The following LRP12 variants were observed in gnomAD, a reference collection of about 807,000 sequenced individuals.
LRP12 encodes LDL receptor related protein 12, also known as low-density lipoprotein receptor-related protein 12.
In LRP12, 14 loss-of-function variants were observed where a neutral mutation model predicts 66.0. The ratio of observed to expected loss-of-function variants is 0.21; its 90% CI spans 0.14 to 0.33. LRP12 has a LOEUF of 0.33. Among genes scored for constraint, LRP12 ranks in the 10% least tolerant of loss-of-function variants. LRP12 has a pLI of 1.00. For synonymous variants in LRP12, 357 were observed against 359.1 expected, an observed-to-expected ratio of 0.99 and a Z score of 0.07; for missense variants, 889 against 1,053.4, an observed-to-expected ratio of 0.84 and a Z score of 2.16.
intron 2 of LRP12, among the ~76,000 whole-genome samples, chr8:104,528,621 A>G (rs1055364668): frequency 6.6e-6 from 1 of 152,054 alleles, no homozygotes. Context: ...TTAAAAATAC[A>G]AAAATTAGCT....
chr8:104,566,307 TC>T, intron 1 of LRP12: 1 of 270,532 alleles, frequency 3.7e-6, no homozygotes, highest in Non-Finnish European at 6.9e-6. Flanking sequence ...ATTAAGGTGA[TC>T]AAGTAGAAGA....
At chr8:104,565,096 A>G (rs1444302137) in intron 1 of LRP12, among the ~76,000 whole-genome samples, 2 of 152,230 alleles carry the variant, frequency 1.3e-5, no homozygotes, top group Middle Eastern at 6.3e-3. Context: ...TATTCACTTA[A>G]TAGTTCTAAA....
intron 1 of LRP12, among the ~76,000 whole-genome samples, chr8:104,587,088 T>G (rs572751902): frequency 2.0e-4 from 30 of 152,202 alleles, no homozygotes; most frequent in Admixed American, 5.2e-4. Context: ...TCACAGCCTC[T>G]TATCCCTCGA....
chr8:104,527,320 T>A (rs933513191), intron 2 of LRP12, among the ~76,000 whole-genome samples: 7 of 147,828 alleles, frequency 4.7e-5, no homozygotes, highest in Admixed American at 3.3e-4. Flanking sequence ...GACCCAGCCA[T>A]CCCATTACTG....
In LRP12 at chr8:104,547,023, T is replaced by C. The variant is rs149948312; in HGVS notation, c.80-15060A>G. Among the ~76,000 whole-genome samples the C allele has an allele frequency of 1.7e-3, 233 of 137,136 alleles. 3 individuals are homozygous for C. In the East Asian group the frequency reaches 0.017, roughly 10 times the overall value. 90.0% of individuals were successfully genotyped at this position (137,136 alleles called of 152,430 possible). The stretch of plus-strand genomic sequence containing the variant: ...ATAATTATATATTCTGTATATAATA[T>C]ATAATTATAAATAATATACAATTCT... On this transcript the variant is annotated intron_variant, in intron 1 of 6. Transcript: ENST00000276654.
chr8:104,520,288 TA>T (rs1811127892), intron 2 of LRP12, among the ~76,000 whole-genome samples: 1 of 151,982 alleles, frequency 6.6e-6, no homozygotes, highest in African/African-American at 2.4e-5. Flanking sequence ...TGCAAGGGTA[TA>T]AAAATTACTA....
chr8:104,544,426 A>T (rs1475364655), intron 1 of LRP12, among the ~76,000 whole-genome samples: 2 of 152,232 alleles, frequency 1.3e-5, no homozygotes, highest in African/African-American at 2.4e-5. Context: ...CAGATTCTCA[A>T]TGTAGATGAA....
chr8:104,546,116 G>T (rs78450408), intron 1 of LRP12, among the ~76,000 whole-genome samples: 2 of 152,246 alleles, frequency 1.3e-5, no homozygotes, highest in Non-Finnish European at 1.5e-5. Flanking sequence ...CTTGTAACTG[G>T]GGCTCAGAGG....
Position 104,499,297 on chromosome 8 carries a change from TTTC to T in LRP12, c.475+17_475+19del. The T allele has an allele frequency of 6.3e-7, 1 of 1,594,158 alleles. No individual in the cohort carries two copies. Among genetic ancestry groups the T allele is most frequent in the Non-Finnish European group, 8.6e-7 (1 of 1,165,018 alleles). ...ATACCATAAAATTCAGTTCAATATC[TTTC>T]TTATTTAAAAACACACCTGAAAAAT... On this transcript the variant is annotated intron_variant, in intron 4 of 6. Coordinates refer to ENST00000276654, the MANE Select transcript of LRP12 (RefSeq NM_013437.5).
rs1224162778 is a variant in LRP12, at chr8:104,589,054, C to T, written c.-157G>A. ...GGCTGCGGGAGGGGGAAGGGAGGGG[C>T]CGCCGCCGCCCGCGCGCGCTCCCTC... is the stretch of plus-strand genomic sequence containing the variant. On this transcript the variant is annotated 5_prime_UTR_variant, in exon 1 of 7. Transcript: ENST00000276654. 32 of 335,312 alleles carry T rather than the reference C, an allele frequency of 9.5e-5. No homozygotes were observed. In the East Asian group the frequency reaches 1.9e-3, roughly 20 times the overall value. 20.8% of individuals were successfully genotyped at this position (335,312 alleles called of 1,614,324 possible). A position where few individuals can be genotyped will look rare whatever the true frequency, so the allele number is the denominator to read the frequency against.
chr8:104,529,959 C>G (rs1269904930), intron 2 of LRP12, among the ~76,000 whole-genome samples: 1 of 152,104 alleles, frequency 6.6e-6, no homozygotes, highest in African/African-American at 2.4e-5. Flanking sequence ...TCAAACAAAA[C>G]ATGATGTTGC....
chr8:104,585,729 A>G (rs568009230), intron 1 of LRP12, among the ~76,000 whole-genome samples: 17 of 152,186 alleles, frequency 1.1e-4, no homozygotes, highest in Non-Finnish European at 2.1e-4. Context: ...CTCTATGTAC[A>G]TAGTACCCGA....
intron 2 of LRP12, among the ~76,000 whole-genome samples, chr8:104,517,745 T>G (rs183907704): frequency 6.6e-6 from 1 of 152,148 alleles, no homozygotes; most frequent in African/African-American, 2.4e-5. Context: ...AATTCCATTA[T>G]GGCTGATGAG....
Position 104,497,255 on chromosome 8 carries a change from A to G in LRP12, c.1297T>C (p.Cys433Arg). The G allele has an allele frequency of 1.2e-6, 2 of 1,614,178 alleles. No homozygotes were observed. The highest frequency in any genetic ancestry group is 1.7e-6 in the Non-Finnish European group (2 of 1,180,032). ...NGVCYPRSDR[C>R]NYQNHCPNGS... is the part of the protein sequence containing the mutation. Reference sequence around the variant, plus strand: ...TTTGGGCAATGATTCTGGTAGTTGCAGCGATCAGAACGAGGATAACAGACA... The same window carrying G: ...TTTGGGCAATGATTCTGGTAGTTGCGGCGATCAGAACGAGGATAACAGACA... Residue 433 changes from cysteine (C) to arginine (R), a missense_variant, in exon 5 of 7, where the codon TGC (cysteine) becomes CGC (arginine). This residue lies in a region of LRP12 where 800 missense variants were observed against 964.5 expected (regional missense o/e 0.83). Coordinates refer to ENST00000276654, the MANE Select transcript of LRP12 (RefSeq NM_013437.5). The surrounding 1 kb of genome is among the most constrained non-coding windows in gnomAD (Gnocchi z 4.3).
intron 1 of LRP12, among the ~76,000 whole-genome samples, chr8:104,552,465 T>A (rs1037312447): frequency 2.0e-5 from 3 of 151,200 alleles, no homozygotes; most frequent in African/African-American, 7.3e-5. Context: ...AGGTTGGGAG[T>A]TCGAGACCAG....
At chr8:104,580,716 C>G (rs1812237382) in intron 1 of LRP12, among the ~76,000 whole-genome samples, 1 of 152,096 alleles carries the variant, frequency 6.6e-6, no homozygotes, top group Admixed American at 6.5e-5. Flanking sequence ...AAATGCAAAT[C>G]AAAACCACAA....
At chr8:104,499,866 A>T (rs185224764) in intron 3 of LRP12, among the ~76,000 whole-genome samples, 281 of 152,302 alleles carry the variant, frequency 1.8e-3, no homozygotes, top group Non-Finnish European at 2.3e-3. Context: ...CTGTGTTCCA[A>T]CCAGAATCAC....
At chr8:104,501,646 G>A (rs1383586176) in intron 3 of LRP12, among the ~76,000 whole-genome samples, 1 of 151,088 alleles carries the variant, frequency 6.6e-6, no homozygotes, top group African/African-American at 2.4e-5. Flanking sequence ...GGAGGTTGTA[G>A]TGAGCTAAGA....
At chr8:104,516,845 A>G (rs1421014917) in intron 2 of LRP12, among the ~76,000 whole-genome samples, 2 of 152,088 alleles carry the variant, frequency 1.3e-5, no homozygotes, top group Non-Finnish European at 2.9e-5. Context: ...CAGAAAAAGT[A>G]CATATTTACA....
Sources: allele counts gnomAD v4.1 joint callset (sites outside exome capture counted in the v4.1 genomes callset), GRCh38; gene constraint gnomAD v4.1.1; regional missense constraint gnomAD v4.1.1; non-coding constraint Gnocchi (gnomAD v3.1); transcripts MANE v1.5; gene names NCBI Gene and HGNC (gene_info 2026-07-23, HGNC 2026-07-21).